The following ORC2 variants were observed in gnomAD, a reference collection of about 807,000 sequenced individuals.
The protein encoded by ORC2 is origin recognition complex subunit 2, also known as origin recognition complex protein 2 homolog.
In ORC2, 37 loss-of-function variants were observed where a neutral mutation model predicts 77.7. The observed-to-expected ratio is 0.48, with a 90% confidence interval of 0.37 to 0.63. The LOEUF is 0.63. Ranked by LOEUF, ORC2 falls within the 20% of genes least tolerant of loss-of-function variation. The probability of loss-of-function intolerance (pLI) is 0.00; values close to 1 mark genes in which losing one functional copy is unlikely to be tolerated. For missense variants in ORC2, 557 were observed against 661.9 expected (o/e 0.84, Z 1.74); for synonymous variants, 201 against 229.5 (o/e 0.88, Z 1.12).
At position 200,942,746 on chromosome 2, in the gene ORC2, ACTT is replaced by A. The variant is rs1575173863; in HGVS notation, c.357_359del (p.Lys119_Ser120delinsAsn). On this transcript the variant is annotated inframe_deletion, in exon 6 of 18. Transcript: ENST00000234296. ...GATCATTCTTCAAACTGAATGAAAC[ACTT>A]TTTTGTGGTGTTTTTGCTAGTTCTG... is the stretch of plus-strand genomic sequence containing the variant. The A allele has an allele frequency of 6.2e-7, 1 of 1,610,228 alleles. No homozygotes were observed. Among genetic ancestry groups the A allele is most frequent in the East Asian group, 2.2e-5 (1 of 44,682 alleles).
chr2:200,958,251 TA>T (rs1253556447), intron 2 of ORC2, 118 bp from the exon 3 acceptor site: 6 of 603,778 alleles, frequency 9.9e-6, no homozygotes, highest in East Asian at 8.5e-5. Context: ...TTTTTAAGTA[TA>T]AAAAATACAT....
chr2:200,962,181 AAAAC>A (rs574008250), intron 1 of ORC2, among the ~76,000 whole-genome samples: 110 of 152,370 alleles, frequency 7.2e-4, no homozygotes, highest in African/African-American at 2.5e-3. Flanking sequence ...CAGTTCCTGA[AAAAC>A]AAACGAACAA....
At position 200,925,836 on chromosome 2, in the gene ORC2, C is replaced by A; in HGVS notation, c.1147G>T (p.Asp383Tyr). 6.7e-7 allele frequency: 1 copy of A among 1,492,124 alleles called. No homozygotes were observed. The highest frequency in any genetic ancestry group is 1.2e-5 in the South Asian group (1 of 85,524). The allele number at this position is 1,492,124 out of a possible 1,614,324, so 92.4% of individuals were successfully genotyped here. ...CTACCGAGCATCTACTTCATGTTACCTTCTTTAAATTTGTTTACTATCCAG... is the reference window on the plus strand; with the variant it reads ...CTACCGAGCATCTACTTCATGTTACATTCTTTAAATTTGTTTACTATCCAG... ...LDWIVNKFKEDSSLELFLLIH... is the reference protein window; with the variant it reads ...LDWIVNKFKEYSSLELFLLIH... The change falls in exon 13 of 18, where the codon GAT (aspartate) becomes TAT (tyrosine). Residue 383 changes from aspartate to tyrosine, a missense_variant and splice_region_variant. Asp to Tyr is a radical substitution (Grantham distance 160, BLOSUM62 -3). Transcript: ENST00000234296.
chr2:200,958,950 TTCTC>T (rs1239536597), intron 2 of ORC2, among the ~76,000 whole-genome samples: 2 of 152,240 alleles, frequency 1.3e-5, no homozygotes, highest in Non-Finnish European at 2.9e-5. Flanking sequence ...TTCTTTTCTC[TTCTC>T]TCTTTCTTAC....
In ORC2 at chr2:200,931,404, A is replaced by G; in HGVS notation, c.852T>C (p.Ser284=). The G allele has an allele frequency of 6.5e-7, 1 of 1,542,518 alleles. No homozygotes were observed. The highest frequency in any genetic ancestry group is 8.7e-7 in the Non-Finnish European group (1 of 1,152,448). The change falls in exon 11 of 18, where the codon TCT becomes TCC. Residue 284 remains serine, a synonymous_variant. Transcript: ENST00000234296. ...GTTGATTTAGTTGTTTAAGTTCGGC[A>G]GAAAAGGAAGGGGAAACCTTGCTCA... ...NLLSKVSPSF[S]AELKQLNQQY...
At chr2:200,956,927 C>T (rs1388699351) in intron 4 of ORC2, among the ~76,000 whole-genome samples, 2 of 152,148 alleles carry the variant, frequency 1.3e-5, no homozygotes, top group Non-Finnish European at 2.9e-5. Context: ...AAACCACACA[C>T]TGCATATTCT....
chr2:200,933,032 A>C (rs2040970295), intron 10 of ORC2, among the ~76,000 whole-genome samples: 3 of 152,170 alleles, frequency 2.0e-5, no homozygotes, highest in Admixed American at 2.0e-4. Flanking sequence ...TCTAAGTCTG[A>C]TGAAGTCCTA....
At position 200,942,755 on chromosome 2, in the gene ORC2, T is replaced by C. The variant is rs531498998; in HGVS notation, c.351A>G (p.Pro117=). 6.2e-7 allele frequency: 1 copy of C among 1,609,304 alleles called. No homozygotes were observed. The highest frequency in any genetic ancestry group is 8.5e-7 in the Non-Finnish European group (1 of 1,177,364). ...TCAAACTGAATGAAACACTTTTTTG[T>C]GGTGTTTTTGCTAGTTCTGAAGCTG... ...AKLASELAKT[P]QKSVSFSLKN... is the part of the protein sequence containing the mutation. Residue 117 remains proline, a synonymous_variant, in exon 6 of 18, where the codon CCA becomes CCG. Coordinates refer to ENST00000234296, the MANE Select transcript of ORC2 (RefSeq NM_006190.5).
intron 1 of ORC2, among the ~76,000 whole-genome samples, chr2:200,960,213 A>C (rs2041546654): frequency 6.6e-6 from 1 of 152,018 alleles, no homozygotes; most frequent in Admixed American, 6.6e-5. Context: ...TTTGGGCTCA[A>C]GCGATCTACC....
intron 15 of ORC2, among the ~76,000 whole-genome samples, chr2:200,916,041 G>A (rs1170152136): frequency 6.6e-6 from 1 of 152,122 alleles, no homozygotes. Flanking sequence ...CTCCAGAGCT[G>A]AATTTTGGTT....
At chr2:200,948,736 G>A (rs899607527) in intron 5 of ORC2, among the ~76,000 whole-genome samples, 12 of 151,834 alleles carry the variant, frequency 7.9e-5, no homozygotes, top group South Asian at 2.1e-4. Flanking sequence ...CTCATTTTTC[G>A]TATTTTTAGT....
At chr2:200,917,451 C>T (rs1022866039) in intron 15 of ORC2, among the ~76,000 whole-genome samples, 5 of 152,032 alleles carry the variant, frequency 3.3e-5, no homozygotes, top group Admixed American at 1.3e-4. Flanking sequence ...TATGCCTGGC[C>T]GAGTTGAATG....
At chr2:200,954,913 A>C (rs1423138612) in intron 4 of ORC2, among the ~76,000 whole-genome samples, 3 of 151,632 alleles carry the variant, frequency 2.0e-5, no homozygotes, top group Non-Finnish European at 4.4e-5. Context: ...TGAATAAATA[A>C]ATAAATAAAT....
intron 8 of ORC2, among the ~76,000 whole-genome samples, chr2:200,937,477 G>A (rs986203251): frequency 6.6e-6 from 1 of 152,052 alleles, no homozygotes; most frequent in East Asian, 1.9e-4. Context: ...CATTATGAAA[G>A]GTGTTGACAT....
Position 200,920,389 on chromosome 2 carries a change from C to A in ORC2, c.1299G>T (p.Trp433Cys). The A allele has an allele frequency of 1.9e-6, 3 of 1,567,932 alleles. No homozygotes were observed. Among genetic ancestry groups the A allele is most frequent in the East Asian group, 2.3e-5 (1 of 44,358 alleles). The change falls in exon 15 of 18, where the codon TGG becomes TGT. Residue 433 changes from tryptophan (W) to cysteine (C), a missense_variant. Physicochemically the swap from Trp to Cys is radical, Grantham distance 215 (BLOSUM62 -2). Coordinates refer to ENST00000234296, the MANE Select transcript of ORC2 (RefSeq NM_006190.5). Reference sequence around the variant, plus strand: ...TAAAAAGACTCTGCTTTGCATGATCCCACACTAGCACATGATCAAAGAAAA... The same window carrying A: ...TAAAAAGACTCTGCTTTGCATGATCACACACTAGCACATGATCAAAGAAAA... ...SIDHLNAPLM[W>C]DHAKQSLFNW...
rs2040753736 is a variant in ORC2, at chr2:200,921,227, A to G, written c.1148-88T>C. 6.6e-6 allele frequency: 5 copies of G among 759,892 alleles called. No individual in the cohort carries two copies. In the Admixed American group the frequency reaches 1.6e-4, roughly 24 times the overall value. 47.1% of individuals were successfully genotyped at this position (759,892 alleles called of 1,614,324 possible). On this transcript the variant is annotated intron_variant, in intron 13 of 17. Transcript: ENST00000234296. Reference sequence around the variant, plus strand: ...TAGGCTAGAGTGCAGTGGTACAATCATAGCTCACTGCAGCCTCCAACTCCT... The same window carrying G: ...TAGGCTAGAGTGCAGTGGTACAATCGTAGCTCACTGCAGCCTCCAACTCCT...
intron 5 of ORC2, among the ~76,000 whole-genome samples, chr2:200,946,137 T>C (rs1165420921): frequency 1.3e-5 from 2 of 151,802 alleles, no homozygotes; most frequent in African/African-American, 2.4e-5. Context: ...AGCCCAATTA[T>C]ATGAAAATCT....
intron 10 of ORC2, 135 bp from the exon 11 acceptor site, chr2:200,931,583 T>C: frequency 4.1e-6 from 2 of 484,784 alleles, no homozygotes; most frequent in Non-Finnish European, 3.7e-6. Flanking sequence ...GGTTTGGCAA[T>C]GAGTATATCA....
rs752111045 is a variant in ORC2 at position 200,935,836 on chromosome 2, CA to C, written c.570del (p.Asp190GlufsTer28). On this transcript the variant is annotated frameshift_variant, in exon 9 of 18. Coordinates refer to ENST00000234296, the MANE Select transcript of ORC2 (RefSeq NM_006190.5). LOFTEE classifies it high-confidence loss of function. ...ESEYSASNSEDDEGVAQEHEE... is the reference protein window; with the variant it reads ...ESEYSASNSEXDEGVAQEHEE... ...TCATGTTCCTGTGCAACCCCTTCAT[CA>C]TCCTCTGAGTTGGAAGCAGAATATT... is the stretch of plus-strand genomic sequence containing the variant. 1 of 1,613,990 alleles carries C rather than the reference CA, an allele frequency of 6.2e-7. No homozygotes were observed. Among genetic ancestry groups the C allele is most frequent in the Non-Finnish European group, 8.5e-7 (1 of 1,180,018 alleles).
Sources: gnomAD v4.1 joint callset for allele counts (sites outside exome capture counted in the v4.1 genomes callset) on GRCh38, gnomAD v4.1.1 for gene constraint, MANE v1.5 for transcripts, NCBI Gene and HGNC (gene_info 2026-07-23, HGNC 2026-07-21) for gene names.